The following COQ7 variants were observed in gnomAD, a reference collection of about 807,000 sequenced individuals.
The protein encoded by COQ7 is coenzyme Q7, hydroxylase, also known as NADPH-dependent 3-demethoxyubiquinone 3-hydroxylase, mitochondrial.
A neutral mutation model predicts 25.0 loss-of-function variants in COQ7; 21 were observed. That is an observed-to-expected ratio of 0.84 (90% CI 0.60 to 1.21). The LOEUF is 1.21. Ranked by LOEUF, COQ7 falls within the 50% of genes most tolerant of loss-of-function variation. The probability of loss-of-function intolerance (pLI) is 0.00; values close to 1 mark genes in which losing one functional copy is unlikely to be tolerated. For missense variants in COQ7, 311 were observed against 296.2 expected (o/e 1.05, Z -0.37); for synonymous variants, 125 against 112.4 (o/e 1.11, Z -0.71).
At chr16:19,067,785 G>C in intron 1 of COQ7, 48 bp downstream of exon 1, 5 of 1,575,592 alleles carry the variant, frequency 3.2e-6, no homozygotes, top group Non-Finnish European at 4.3e-6. Context: ...TAGCGAGCTA[G>C]GGAATTTTCG....
chr16:19,075,907 C>T (rs1211101523), intron 4 of COQ7, 47 bp downstream of exon 4: 1 of 1,612,058 alleles, frequency 6.2e-7, no homozygotes, highest in South Asian at 1.1e-5. Flanking sequence ...AGGAAAATGG[C>T]AGATAGCAAT....
intron 4 of COQ7, among the ~76,000 whole-genome samples, chr16:19,076,709 G>A (rs899310946): frequency 2.0e-5 from 3 of 149,430 alleles, no homozygotes; most frequent in Admixed American, 1.4e-4. Flanking sequence ...CTCCTGCCTC[G>A]GCGTCCCAGG....
chr16:19,077,590 C>CTTTTTTTTTTTTTTTTTTTTTT lies in COQ7; in HGVS notation c.576+230_576+231insTTTTTTTTTTTTTTTTTTTTTT, dbSNP rs60523088. Among the ~76,000 whole-genome samples the CTTTTTTTTTTTTTTTTTTTTTT allele has an allele frequency of 4.4e-4, 33 of 74,404 alleles. 10 individuals carry two copies. Among genetic ancestry groups the CTTTTTTTTTTTTTTTTTTTTTT allele is most frequent in the African/African-American group, 6.4e-4 (15 of 23,308 alleles). 48.8% of individuals were successfully genotyped at this position (74,404 alleles called of 152,430 possible). Reference sequence around the variant, plus strand: ...TATGCCTTCTCCTTTTCCCCAGAAGCTTTTTTTTTTTTTTCCCAGACACAG... The same window carrying CTTTTTTTTTTTTTTTTTTTTTT: ...TATGCCTTCTCCTTTTCCCCAGAAGCTTTTTTTTTTTTTTTTTTTTTTTTTTTTTTTTTTTTCCCAGACACAG... On this transcript the variant is annotated intron_variant, in intron 5 of 5. Transcript: ENST00000321998.
intron 3 of COQ7, among the ~76,000 whole-genome samples, chr16:19,074,345 G>A (rs921093894): frequency 1.3e-5 from 2 of 151,832 alleles, no homozygotes; most frequent in African/African-American, 4.8e-5. Flanking sequence ...ACAACATGGT[G>A]AAACCCCCGA....
Position 19,079,840 on chromosome 16 carries a change from C to G in COQ7, c.*1682C>G, listed in dbSNP as rs1963047358. 6.6e-6 allele frequency: 1 copy of G among 152,224 alleles called. No homozygotes were observed. Among genetic ancestry groups the G allele is most frequent in the South Asian group, 2.1e-4 (1 of 4,832 alleles). 9.4% of individuals were successfully genotyped at this position (152,224 alleles called of 1,614,324 possible). ...TGGATTAATCCTCTGCCACCTCTCT[C>G]TTTTCCTCAACCGAGAGTGAATTTA... On this transcript the variant is annotated 3_prime_UTR_variant, in exon 6 of 6. Coordinates refer to ENST00000321998, the MANE Select transcript of COQ7 (RefSeq NM_016138.5).
rs1555522801 is a variant in COQ7 at position 19,078,115 on chromosome 16, A to AGGCC, written c.614_617dup (p.Cys207ArgfsTer48). ...TATGCCGTCCTGAAGAGCATTATCC[A>AGGCC]GGCCGGATGCAGAGTGGCGATATAT... On this transcript the variant is annotated frameshift_variant, in exon 6 of 6. Transcript: ENST00000321998. LOFTEE classifies it high-confidence loss of function. The AGGCC allele has an allele frequency of 1.1e-5, 17 of 1,612,288 alleles. No homozygotes were observed. Among genetic ancestry groups the AGGCC allele is most frequent in the Non-Finnish European group, 1.4e-5 (17 of 1,179,244 alleles).
Position 19,079,843 on chromosome 16 carries a change from T to C in COQ7, c.*1685T>C, listed in dbSNP as rs1359537126. On this transcript the variant is annotated 3_prime_UTR_variant, in exon 6 of 6. Coordinates refer to ENST00000321998, the MANE Select transcript of COQ7 (RefSeq NM_016138.5). ...ATTAATCCTCTGCCACCTCTCTCTT[T>C]TCCTCAACCGAGAGTGAATTTATGT... The C allele has an allele frequency of 2.0e-5, 3 of 152,238 alleles. No individual in the cohort carries two copies. The highest frequency in any genetic ancestry group is 2.1e-4 in the South Asian group (1 of 4,832). 9.4% of individuals were successfully genotyped at this position (152,238 alleles called of 1,614,324 possible).
downstream of COQ7, among the ~76,000 whole-genome samples, chr16:19,082,371 C>G (rs1963112904): frequency 6.6e-6 from 1 of 152,136 alleles, no homozygotes; most frequent in Non-Finnish European, 1.5e-5. Context: ...TGGCTCATGC[C>G]TGTCATCTCA....
intron 3 of COQ7, 61 bp from the exon 4 acceptor site, chr16:19,075,660 T>A: frequency 6.6e-7 from 1 of 1,504,434 alleles, no homozygotes; most frequent in South Asian, 1.3e-5. Flanking sequence ...TGGCCACAGA[T>A]GGTCTCCATT....
chr16:19,082,411 G>A (rs925661299), downstream of COQ7, among the ~76,000 whole-genome samples: 5 of 151,900 alleles, frequency 3.3e-5, no homozygotes, highest in African/African-American at 4.8e-5. Flanking sequence ...TGGAAGGATC[G>A]CTTGAGTCCA....
chr16:19,075,962 GGTT>G, intron 4 of COQ7, 102 bp downstream of exon 4: 1 of 1,482,824 alleles, frequency 6.7e-7, no homozygotes, highest in Non-Finnish European at 9.2e-7. Context: ...GGATGATGGG[GGTT>G]TAGAGGCTCA....
At chr16:19,075,290 C>T (rs1962774836) in intron 3 of COQ7, among the ~76,000 whole-genome samples, 1 of 151,596 alleles carries the variant, frequency 6.6e-6, no homozygotes, top group Non-Finnish European at 1.5e-5. Flanking sequence ...GCAACCTCCA[C>T]CTCCCGGCTT....
chr16:19,070,295 A>G (rs181461642), intron 1 of COQ7, among the ~76,000 whole-genome samples: 1 of 152,362 alleles, frequency 6.6e-6, no homozygotes, highest in East Asian at 1.9e-4. Context: ...AAAGCACTCA[A>G]GCCTTTGTCA....
rs1418247911 is a variant in COQ7 at position 19,079,292 on chromosome 16, C to T, written c.*1134C>T. 1.3e-5 allele frequency: 2 copies of T among 152,064 alleles called. No individual in the cohort carries two copies. The highest frequency in any genetic ancestry group is 4.8e-5 in the African/African-American group (2 of 41,414). The allele number at this position is 152,064 out of a possible 1,614,324, so 9.4% of individuals were successfully genotyped here. On this transcript the variant is annotated 3_prime_UTR_variant, in exon 6 of 6. Transcript: ENST00000321998. ...GACTGTGGTATTTTGTTATAGCAGC[C>T]TGAACAGACTAAGACGGGGGTGTTG... is the stretch of plus-strand genomic sequence containing the variant.
chr16:19,069,785 T>G (rs943566445), intron 1 of COQ7, among the ~76,000 whole-genome samples: 3 of 151,958 alleles, frequency 2.0e-5, no homozygotes, highest in African/African-American at 4.8e-5. Flanking sequence ...GTTTTATGCT[T>G]CTTTTTTTCT....
At position 19,079,592 on chromosome 16, in the gene COQ7, G is replaced by A. The variant is rs1963035780; in HGVS notation, c.*1434G>A. Reference sequence around the variant, plus strand: ...GGACCAAGAGTTTTGATTTATTTAGGGTGGAGTTCAGGATCAGAATGGTTT... The same window carrying A: ...GGACCAAGAGTTTTGATTTATTTAGAGTGGAGTTCAGGATCAGAATGGTTT... On this transcript the variant is annotated 3_prime_UTR_variant, in exon 6 of 6. Transcript: ENST00000321998. The A allele has an allele frequency of 6.6e-6, 1 of 152,008 alleles. No individual in the cohort carries two copies. Among genetic ancestry groups the A allele is most frequent in the African/African-American group, 2.4e-5 (1 of 41,372 alleles). 9.4% of individuals were successfully genotyped at this position (152,008 alleles called of 1,614,324 possible).
chr16:19,072,319 A>G (rs1962605398), intron 2 of COQ7: 1 of 582,578 alleles, frequency 1.7e-6, no homozygotes, highest in Non-Finnish European at 3.0e-6. Context: ...ATAGACAGGT[A>G]TGCGGTATAT....
Position 19,075,779 on chromosome 16 carries a change from A to G in COQ7, c.426A>G (p.Glu142=), listed in dbSNP as rs773468366. 42 of 1,611,532 alleles carry G rather than the reference A, an allele frequency of 2.6e-5. No homozygotes were observed. The highest frequency in any genetic ancestry group is 3.6e-5 in the Non-Finnish European group (42 of 1,178,794). Reference sequence around the variant, plus strand: ...CCATGGCCTGCACCGTGGCGGTGGAAGAGAGCATAGCACATCACTACAACA... The same window carrying G: ...CCATGGCCTGCACCGTGGCGGTGGAGGAGAGCATAGCACATCACTACAACA... ...EGAMACTVAV[E]ESIAHHYNNQ... Residue 142 remains glutamate, a synonymous_variant, in exon 4 of 6, where the codon GAA becomes GAG. Transcript: ENST00000321998.
At position 19,072,043 on chromosome 16, in the gene COQ7, A is replaced by G. The variant is rs770858610; in HGVS notation, c.189A>G (p.Ala63=). ...IRVDHAGEYG[A]NRIYAGQMAV... is the part of the protein sequence containing the mutation. ...TGGATCATGCAGGCGAATATGGAGC[A>G]AACCGCATCTATGCCGGGCAGATGG... The change falls in exon 2 of 6, where the codon GCA becomes GCG. Residue 63 remains alanine, a synonymous_variant. Transcript: ENST00000321998. 2 of 1,614,250 alleles carry G rather than the reference A, an allele frequency of 1.2e-6. No individual in the cohort carries two copies. Among genetic ancestry groups the G allele is most frequent in the Admixed American group, 3.3e-5 (2 of 60,028 alleles).
Sources: gnomAD v4.1 joint callset for allele counts (sites outside exome capture counted in the v4.1 genomes callset) on GRCh38, gnomAD v4.1.1 for gene constraint, MANE v1.5 for transcripts, NCBI Gene and HGNC (gene_info 2026-07-23, HGNC 2026-07-21) for gene names.